ACSS3: variants seen among roughly 807,000 people sequenced by gnomAD.
The protein encoded by ACSS3 is acyl-CoA synthetase short chain family member 3.
In ACSS3, 64 loss-of-function variants were observed where a neutral mutation model predicts 84.2. That is an observed-to-expected ratio of 0.76 (90% CI 0.62 to 0.94). ACSS3 has a LOEUF of 0.94. Among genes scored for constraint, ACSS3 ranks in the 40% least tolerant of loss-of-function variants. ACSS3 has a pLI of 0.00. For synonymous variants in ACSS3, 317 were observed against 310.1 expected (o/e 1.02, Z -0.23); for missense variants, 815 against 867.6 (o/e 0.94, Z 0.76).
intron 1 of ACSS3, among the ~76,000 whole-genome samples, chr12:81,096,101 C>G (rs1317389062): frequency 6.6e-6 from 1 of 152,248 alleles, no homozygotes; most frequent in East Asian, 1.9e-4. Flanking sequence ...GTGAATAAAG[C>G]AAAATGTTGC....
At chr12:81,240,515 T>G (rs769855686) in intron 13 of ACSS3, among the ~76,000 whole-genome samples, 6 of 152,114 alleles carry the variant, frequency 3.9e-5, no homozygotes, top group Admixed American at 6.6e-5. Flanking sequence ...TGCCTTTTAA[T>G]TGGTATATTT....
intron 5 of ACSS3, among the ~76,000 whole-genome samples, chr12:81,149,760 C>T (rs997447955): frequency 2.0e-5 from 3 of 152,114 alleles, no homozygotes; most frequent in African/African-American, 7.2e-5. Flanking sequence ...TCTTTGACGG[C>T]AACCTCTAAT....
At chr12:81,240,975 A>G (rs1277304350) in intron 13 of ACSS3, among the ~76,000 whole-genome samples, 1 of 133,366 alleles carries the variant, frequency 7.5e-6, no homozygotes, top group South Asian at 3.0e-4. Context: ...TCCCAATGCT[A>G]TCCCTCCCCC....
chr12:81,201,056 GA>G (rs1214166669), intron 9 of ACSS3, among the ~76,000 whole-genome samples: 1 of 152,056 alleles, frequency 6.6e-6, no homozygotes, highest in South Asian at 2.1e-4. Context: ...TTACTAAGGG[GA>G]AAATTATTTA....
chr12:81,239,607 A>C (rs1187296545), intron 13 of ACSS3, among the ~76,000 whole-genome samples: 2 of 151,656 alleles, frequency 1.3e-5, no homozygotes, highest in African/African-American at 4.8e-5. Flanking sequence ...TGTGCAGGGG[A>C]ACTCTCTTTA....
intron 1 of ACSS3, among the ~76,000 whole-genome samples, chr12:81,098,002 C>T (rs1446969752): frequency 6.6e-6 from 1 of 152,076 alleles, no homozygotes; most frequent in Non-Finnish European, 1.5e-5. Flanking sequence ...GGCAGCGCCA[C>T]TGTCTGTGTG....
chr12:81,098,155 T>A (rs35364354), intron 1 of ACSS3, among the ~76,000 whole-genome samples: 42,855 of 126,232 alleles, frequency 0.34, 8,141 homozygotes, highest in Non-Finnish European at 0.49. Context: ...AGAGAGAGTG[T>A]GTGTGTGTGT....
At chr12:81,200,767 G>C (rs574277616) in intron 9 of ACSS3, among the ~76,000 whole-genome samples, 2 of 151,930 alleles carry the variant, frequency 1.3e-5, no homozygotes, top group East Asian at 3.9e-4. Flanking sequence ...CAGGCGTGAT[G>C]GAGCGTGCCT....
intron 1 of ACSS3, among the ~76,000 whole-genome samples, chr12:81,103,397 A>G (rs1882692921): frequency 6.6e-6 from 1 of 152,224 alleles, no homozygotes; most frequent in Admixed American, 6.5e-5. Context: ...GTCAGCACAT[A>G]GAAGGCATTC....
chr12:81,091,402 A>G (rs1445131158), intron 1 of ACSS3, among the ~76,000 whole-genome samples: 1 of 151,990 alleles, frequency 6.6e-6, no homozygotes, highest in Non-Finnish European at 1.5e-5. Flanking sequence ...ATCTGTTAAA[A>G]GCTTGAATTT....
At chr12:81,217,296 T>C (rs113924875) in intron 10 of ACSS3, among the ~76,000 whole-genome samples, 1 of 152,182 alleles carries the variant, frequency 6.6e-6, no homozygotes, top group Non-Finnish European at 1.5e-5. Context: ...TTTATATATG[T>C]CTTTTCATTT....
intron 5 of ACSS3, among the ~76,000 whole-genome samples, chr12:81,150,371 G>A (rs1886549578): frequency 6.6e-6 from 1 of 152,134 alleles, no homozygotes; most frequent in Non-Finnish European, 1.5e-5. Flanking sequence ...TTTTTATAAA[G>A]TGTTTGCAAA....
At chr12:81,141,913 G>C (rs1886111794) in intron 4 of ACSS3, among the ~76,000 whole-genome samples, 1 of 152,062 alleles carries the variant, frequency 6.6e-6, no homozygotes, top group African/African-American at 2.4e-5. Flanking sequence ...CTTGATACAG[G>C]GTCTTCGATT....
chr12:81,146,291 A>G (rs1224682804), intron 5 of ACSS3, among the ~76,000 whole-genome samples: 2 of 152,092 alleles, frequency 1.3e-5, no homozygotes, highest in African/African-American at 4.8e-5. Context: ...TTCTCGTTTC[A>G]TTTTTCATAG....
intron 1 of ACSS3, among the ~76,000 whole-genome samples, chr12:81,083,932 C>T (rs1881155034): frequency 1.3e-5 from 2 of 152,090 alleles, no homozygotes; most frequent in Non-Finnish European, 2.9e-5. Context: ...GCACTCCAGC[C>T]TGGTGACAGA....
At position 81,259,079 on chromosome 12, in the gene ACSS3, T is replaced by G. The variant is rs1163698103; in HGVS notation, c.*4157T>G. ...CCGGTTCCAGGTTAAATCATTCTTT[T>G]TTACATGATCAGAGGCAGGTTGTTC... On this transcript the variant is annotated 3_prime_UTR_variant, in exon 16 of 16. Transcript: ENST00000548058. 6.0e-6 allele frequency: 1 copy of G among 167,932 alleles called. No homozygotes were observed. 10.4% of individuals were successfully genotyped at this position (167,932 alleles called of 1,614,324 possible). A position where few individuals can be genotyped will look rare whatever the true frequency, so the allele number is the denominator to read the frequency against.
chr12:81,101,874 T>A (rs1384261074), intron 1 of ACSS3, among the ~76,000 whole-genome samples: 2 of 152,172 alleles, frequency 1.3e-5, no homozygotes, highest in Non-Finnish European at 2.9e-5. Flanking sequence ...CATTTTGTTT[T>A]CATCAGTGGA....
rs553089030 is a variant in ACSS3 at position 81,219,925 on chromosome 12, C to T, written c.1451-88C>T. On this transcript the variant is annotated intron_variant, in intron 10 of 15. Transcript: ENST00000548058. Reference sequence around the variant, plus strand: ...AAAAGATTACTCTCTTAAGCTAGAGCTTTTTGGGTTGAATATAAAAATATA... The same window carrying T: ...AAAAGATTACTCTCTTAAGCTAGAGTTTTTTGGGTTGAATATAAAAATATA... The T allele has an allele frequency of 6.1e-5, 51 of 841,384 alleles. No homozygotes were observed. In the African/African-American group the frequency reaches 8.0e-4, roughly 13 times the overall value. The allele number at this position is 841,384 out of a possible 1,614,324, so 52.1% of individuals were successfully genotyped here. A position where few individuals can be genotyped will look rare whatever the true frequency, so the allele number is the denominator to read the frequency against.
At chr12:81,241,721 A>T (rs1039463884) in intron 13 of ACSS3, among the ~76,000 whole-genome samples, 2 of 152,034 alleles carry the variant, frequency 1.3e-5, no homozygotes, top group African/African-American at 4.8e-5. Flanking sequence ...AGTTCATTGT[A>T]GATTCTGGAT....
Sources: allele counts gnomAD v4.1 joint callset (sites outside exome capture counted in the v4.1 genomes callset), GRCh38; gene constraint gnomAD v4.1.1; transcripts MANE v1.5; gene names NCBI Gene and HGNC (gene_info 2026-07-23, HGNC 2026-07-21).